The following JADE1 variants were observed in gnomAD, a reference collection of about 807,000 sequenced individuals.
The protein encoded by JADE1 is protein Jade-1.
Under a neutral mutation model 81.8 loss-of-function variants are expected in JADE1, and 14 were observed. The ratio of observed to expected loss-of-function variants is 0.17; its 90% CI spans 0.11 to 0.27. The LOEUF (loss-of-function observed/expected upper bound fraction) is 0.27. Among genes scored for constraint, JADE1 ranks in the 10% least tolerant of loss-of-function variants. The probability of loss-of-function intolerance (pLI) is 1.00; values close to 1 mark genes in which losing one functional copy is unlikely to be tolerated. For synonymous variants in JADE1, 353 were observed against 391.9 expected (o/e 0.90, Z 1.17); for missense variants, 690 against 1,047.9 (o/e 0.66, Z 4.71).
At chr4:128,851,587 T>C (rs1046029888) in intron 5 of JADE1, among the ~76,000 whole-genome samples, 12 of 152,222 alleles carry the variant, frequency 7.9e-5, no homozygotes, top group African/African-American at 2.9e-4. Context: ...ACTCTCCCCT[T>C]TGAAGATTGT....
At chr4:128,831,274 C>G (rs73846998) in intron 1 of JADE1, among the ~76,000 whole-genome samples, 1 of 152,154 alleles carries the variant, frequency 6.6e-6, no homozygotes, top group South Asian at 2.1e-4. Context: ...GCCTGAGAAG[C>G]ATAATCATGC....
At chr4:128,856,078 C>G (rs1730769587) in intron 7 of JADE1, among the ~76,000 whole-genome samples, 2 of 152,102 alleles carry the variant, frequency 1.3e-5, no homozygotes, top group South Asian at 4.1e-4. Flanking sequence ...CTTGGCTTTC[C>G]AAAGTGTTGG....
chr4:128,866,038 G>A (rs1023786667), intron 9 of JADE1, among the ~76,000 whole-genome samples: 1 of 152,172 alleles, frequency 6.6e-6, no homozygotes, highest in South Asian at 2.1e-4. Context: ...ATCTAGGTCT[G>A]GCCCCTCGTT....
intron 1 of JADE1, among the ~76,000 whole-genome samples, chr4:128,829,541 A>G (rs1484432501): frequency 2.5e-5 from 3 of 118,252 alleles, no homozygotes; most frequent in African/African-American, 9.6e-5. Context: ...AGTGTAGTAT[A>G]GGAAAAACTT....
chr4:128,856,507 G>A (rs1241722838), intron 7 of JADE1, among the ~76,000 whole-genome samples: 1 of 152,198 alleles, frequency 6.6e-6, no homozygotes, highest in African/African-American at 2.4e-5. Context: ...CTGTACTTGA[G>A]TTGAGGCACC....
At position 128,821,102 on chromosome 4, in the gene JADE1, AGTACCTG is replaced by A. The variant is rs761947642; in HGVS notation, c.-26-10628_-26-10622del. Among the ~76,000 whole-genome samples the A allele has an allele frequency of 1.1e-3, 165 of 152,350 alleles. 2 individuals are homozygous for A. The highest frequency in any genetic ancestry group is 2.3e-3 in the Admixed American group (35 of 15,296). On this transcript the variant is annotated intron_variant, in intron 1 of 10. Transcript: ENST00000226319. ...TGTGTAGGTTTGTATTATAGAAATTAGTACCTGGTTCAGAGACCCCCAAGGCAGAATG... is the reference window on the plus strand; with the variant it reads ...TGTGTAGGTTTGTATTATAGAAATTAGTTCAGAGACCCCCAAGGCAGAATG...
At chr4:128,857,226 C>G in intron 7 of JADE1, 112 bp from the exon 8 acceptor site, 1 of 829,268 alleles carries the variant, frequency 1.2e-6, no homozygotes, top group South Asian at 1.5e-5. Context: ...GTGCCCCTTG[C>G]CACTGTCTGG....
intron 3 of JADE1, among the ~76,000 whole-genome samples, chr4:128,843,436 T>G (rs2125850488): frequency 6.6e-6 from 1 of 152,336 alleles, no homozygotes; most frequent in Admixed American, 6.5e-5. Context: ...GTTTTAGCCA[T>G]GGGTTTGTGG....
intron 2 of JADE1, among the ~76,000 whole-genome samples, chr4:128,835,171 A>G (rs1324383897): frequency 6.6e-6 from 1 of 152,178 alleles, no homozygotes; most frequent in Non-Finnish European, 1.5e-5. Context: ...AAACATGGAA[A>G]TCTGGTGGTG....
At chr4:128,825,072 C>A (rs930807880) in intron 1 of JADE1, among the ~76,000 whole-genome samples, 5 of 152,170 alleles carry the variant, frequency 3.3e-5, no homozygotes, top group African/African-American at 1.2e-4. Flanking sequence ...CAGAGTCTTG[C>A]TATATTGCCC....
At chr4:128,810,577 C>A (rs909166507) in intron 1 of JADE1, among the ~76,000 whole-genome samples, 2 of 149,840 alleles carry the variant, frequency 1.3e-5, no homozygotes, top group African/African-American at 4.9e-5. Flanking sequence ...ATATATGAAT[C>A]CAGAGTGTGT....
At chr4:128,867,801 C>G (rs1731890909) in intron 9 of JADE1, 55 bp from the exon 10 acceptor site, 1 of 1,152,750 alleles carries the variant, frequency 8.7e-7, no homozygotes, top group Admixed American at 1.9e-5. Context: ...TAAAAAGCAC[C>G]AAAGTACTGT....
In JADE1 at chr4:128,827,039, A is replaced by G. The variant is rs192892435; in HGVS notation, c.-26-4694A>G. 2.3e-3 allele frequency among the ~76,000 whole-genome samples: 343 copies of G among 152,294 alleles called. 5 individuals carry two copies. The highest frequency in any genetic ancestry group is 0.02 in the Admixed American group (308 of 15,298). ...CAAGAATAATCCTATCAAATTAGCCATAAACCCCTTATCCTTGATATTTCT... is the reference window on the plus strand; with the variant it reads ...CAAGAATAATCCTATCAAATTAGCCGTAAACCCCTTATCCTTGATATTTCT... On this transcript the variant is annotated intron_variant, in intron 1 of 10. Coordinates refer to ENST00000226319, the MANE Select transcript of JADE1 (RefSeq NM_199320.4).
intron 1 of JADE1, among the ~76,000 whole-genome samples, chr4:128,811,596 G>C (rs1421412738): frequency 6.8e-6 from 1 of 147,588 alleles, no homozygotes; most frequent in Non-Finnish European, 1.5e-5. Flanking sequence ...CGCTGCGGCC[G>C]GAGCGTCACC....
intron 2 of JADE1, 47 bp downstream of exon 2, chr4:128,831,857 G>T: frequency 6.5e-7 from 1 of 1,538,432 alleles, no homozygotes; most frequent in Non-Finnish European, 9.0e-7. Context: ...GTTTGGGTCG[G>T]GGTAAAAACA....
intron 1 of JADE1, among the ~76,000 whole-genome samples, chr4:128,822,006 C>T (rs551085198): frequency 6.6e-6 from 1 of 152,052 alleles, no homozygotes; most frequent in Non-Finnish European, 1.5e-5. Flanking sequence ...GCATTATTAC[C>T]TTTTCTCTTT....
At chr4:128,824,318 G>C (rs1727849305) in intron 1 of JADE1, among the ~76,000 whole-genome samples, 1 of 152,072 alleles carries the variant, frequency 6.6e-6, no homozygotes, top group Non-Finnish European at 1.5e-5. Context: ...GTAGTCCCAG[G>C]CTGAGGCAGG....
chr4:128,825,808 G>C (rs1728011776), intron 1 of JADE1, among the ~76,000 whole-genome samples: 1 of 152,212 alleles, frequency 6.6e-6, no homozygotes, highest in Admixed American at 6.5e-5. Context: ...TCCAAGGAGA[G>C]AGTAATCTGC....
chr4:128,857,335 T>C lies in JADE1; in HGVS notation c.865-3T>C, dbSNP rs1266505325. 3.1e-6 allele frequency: 5 copies of C among 1,613,330 alleles called. No homozygotes were observed. The highest frequency in any genetic ancestry group is 2.7e-5 in the African/African-American group (2 of 74,900). On this transcript the variant is annotated splice_polypyrimidine_tract_variant and splice_region_variant and intron_variant, in intron 7 of 10. Transcript: ENST00000226319. ...CCCTGTCTTGCTGTTTTCCGACCTT[T>C]AGGTGAGCATTGGCAGCCCAGAGAA...
Sources: gnomAD v4.1 joint callset for allele counts (sites outside exome capture counted in the v4.1 genomes callset) on GRCh38, gnomAD v4.1.1 for gene constraint, MANE v1.5 for transcripts, NCBI Gene and HGNC (gene_info 2026-07-23, HGNC 2026-07-21) for gene names.